Variants in FER1L6 observed in about 807,000 individuals in gnomAD.
FER1L6 encodes the protein fer-1 like family member 6, also known as fer-1-like protein 6.
Under a neutral mutation model 219.2 loss-of-function variants are expected in FER1L6, and 177 were observed. The ratio of observed to expected loss-of-function variants is 0.81; its 90% confidence interval spans 0.71 to 0.91. The LOEUF (loss-of-function observed/expected upper bound fraction) is 0.91. Ranked by LOEUF, FER1L6 falls within the 40% of genes least tolerant of loss-of-function variation. The pLI, the probability that FER1L6 is intolerant of heterozygous loss-of-function variation, is 0.00. For missense variants in FER1L6, 2,153 were observed against 2,259.9 expected (o/e 0.95, Z 0.96); for synonymous variants, 768 against 824.3 (o/e 0.93, Z 1.17).
intron 18 of FER1L6, among the ~76,000 whole-genome samples, chr8:124,034,444 T>C (rs1317728319): frequency 6.6e-6 from 1 of 152,132 alleles, no homozygotes; most frequent in Non-Finnish European, 1.5e-5. Flanking sequence ...TATACACACA[T>C]ATACATAAGT....
intron 1 of FER1L6, among the ~76,000 whole-genome samples, chr8:123,883,067 T>A (rs1215414614): frequency 6.6e-6 from 1 of 152,128 alleles, no homozygotes; most frequent in East Asian, 1.9e-4. Context: ...GATTAAAGAA[T>A]TCACCACCAC....
chr8:124,119,574 C>CT (rs777274125), intron 40 of FER1L6, 33 bp from the exon 41 acceptor site: 3 of 1,431,964 alleles, frequency 2.1e-6, no homozygotes, highest in Admixed American at 1.7e-5. Flanking sequence ...GACAGGATGC[C>CT]CCCTTTTTGA....
chr8:123,962,782 C>A (rs1026611167), intron 2 of FER1L6, among the ~76,000 whole-genome samples: 2 of 152,252 alleles, frequency 1.3e-5, no homozygotes, highest in African/African-American at 4.8e-5. Flanking sequence ...TGTCTGCCAC[C>A]ATGCCCGGCT....
Position 124,116,515 on chromosome 8 carries a change from G to A in FER1L6, c.5290-2329G>A, listed in dbSNP as rs570808340. Among the ~76,000 whole-genome samples, 5 of 152,286 alleles carry A rather than the reference G, an allele frequency of 3.3e-5. No homozygotes were observed. In the East Asian group the frequency reaches 7.7e-4, roughly 24 times the overall value. On this transcript the variant is annotated intron_variant, in intron 39 of 40. Transcript: ENST00000522917. ...AAAAAGGGCGTGCATGAAACACCAT[G>A]CAAGTTATAAAGTGCTATAGCCAAA...
chr8:124,089,653 A>T (rs577790798), intron 33 of FER1L6, among the ~76,000 whole-genome samples: 19 of 152,352 alleles, frequency 1.2e-4, no homozygotes, highest in Admixed American at 1.0e-3. Flanking sequence ...GCATAATTTT[A>T]AAAATATTTT....
At chr8:124,114,149 A>G (rs1823134418) in intron 39 of FER1L6, among the ~76,000 whole-genome samples, 1 of 151,906 alleles carries the variant, frequency 6.6e-6, no homozygotes, top group African/African-American at 2.4e-5. Context: ...TTTTTTCTCC[A>G]TTTATTGGTT....
chr8:124,027,544 T>A (rs1403927356), intron 18 of FER1L6, among the ~76,000 whole-genome samples: 1 of 152,194 alleles, frequency 6.6e-6, no homozygotes, highest in African/African-American at 2.4e-5. Context: ...CTCCGTGTTA[T>A]TTTCTGTCAT....
rs368100849 is a variant in FER1L6, at chr8:123,929,591, G to A, written c.-7-26401G>A. ...AGGCGGGTCTCCTCTTTCTGGGGCC[G>A]GTGGTCTTTCTGTTGCCCTCCAATT... On this transcript the variant is annotated intron_variant, in intron 1 of 40. Transcript: ENST00000522917. 4.3e-3 allele frequency among the ~76,000 whole-genome samples: 660 copies of A among 152,118 alleles called. 7 individuals carry two copies. Among genetic ancestry groups the A allele is most frequent in the Non-Finnish European group, 6.2e-3 (424 of 68,002 alleles).
intron 39 of FER1L6, among the ~76,000 whole-genome samples, chr8:124,108,172 C>A (rs2131011572): frequency 6.6e-6 from 1 of 152,162 alleles, no homozygotes; most frequent in East Asian, 1.9e-4. Context: ...CTACCCTGGG[C>A]AACACAGTGA....
rs1271692024 is a variant in FER1L6 at position 123,926,392 on chromosome 8, G to A, written c.-7-29600G>A. Among the ~76,000 whole-genome samples, 3 of 152,162 alleles carry A rather than the reference G, an allele frequency of 2.0e-5. No homozygotes were observed. In the East Asian group the frequency reaches 5.8e-4, roughly 29 times the overall value. On this transcript the variant is annotated intron_variant, in intron 1 of 40. Coordinates refer to ENST00000522917, the MANE Select transcript of FER1L6 (RefSeq NM_001039112.2). Reference sequence around the variant, plus strand: ...GTAGGTGGCCCATGCAGTTTCCCCAGGCCAGATTGTCTGGCTCCCGTGCAC... The same window carrying A: ...GTAGGTGGCCCATGCAGTTTCCCCAAGCCAGATTGTCTGGCTCCCGTGCAC...
At chr8:123,999,027 C>G (rs538835131) in intron 12 of FER1L6, among the ~76,000 whole-genome samples, 3 of 152,320 alleles carry the variant, frequency 2.0e-5, no homozygotes, top group African/African-American at 7.2e-5. Flanking sequence ...ATCAGGGGCC[C>G]TGAGAACCTG....
At chr8:123,994,804 G>A (rs566451897) in intron 12 of FER1L6, among the ~76,000 whole-genome samples, 1 of 152,326 alleles carries the variant, frequency 6.6e-6, no homozygotes, top group East Asian at 1.9e-4. Flanking sequence ...GAGTTAGCTG[G>A]CAGGCTTCTA....
At chr8:124,049,498 A>G in intron 21 of FER1L6, 109 bp from the exon 22 acceptor site, 1 of 1,249,274 alleles carries the variant, frequency 8.0e-7, no homozygotes, top group Non-Finnish European at 1.1e-6. Context: ...TGAGACATGG[A>G]AGCTGATGGT....
At chr8:124,074,240 A>G (rs1339936244) in intron 31 of FER1L6, among the ~76,000 whole-genome samples, 1 of 152,208 alleles carries the variant, frequency 6.6e-6, no homozygotes, top group Non-Finnish European at 1.5e-5. Context: ...TGCTAAATGC[A>G]AGAGTCATAG....
chr8:124,112,137 T>C (rs1823046597), intron 39 of FER1L6, among the ~76,000 whole-genome samples: 1 of 152,210 alleles, frequency 6.6e-6, no homozygotes, highest in Admixed American at 6.5e-5. Context: ...CCAACATGCA[T>C]GTCCAGCCTA....
In FER1L6 at chr8:124,097,279, G is replaced by A. The variant is rs1267186696; in HGVS notation, c.4704G>A (p.Leu1568=). 2 of 1,612,578 alleles carry A rather than the reference G, an allele frequency of 1.2e-6. No individual in the cohort carries two copies. The highest frequency in any genetic ancestry group is 1.7e-5 in the Admixed American group (1 of 59,910). ...KDKPGMEQGR[L]QMWVDMFPKD... Reference sequence around the variant, plus strand: ...TTTTTTTTCTTAACAAGGGCCGCCTGCAGATGTGGGTGGACATGTTTCCCA... The same window carrying A: ...TTTTTTTTCTTAACAAGGGCCGCCTACAGATGTGGGTGGACATGTTTCCCA... Residue 1568 remains leucine, a synonymous_variant, in exon 36 of 41, where the codon CTG becomes CTA. Transcript: ENST00000522917.
Position 124,049,670 on chromosome 8 carries a change from T to G in FER1L6, c.2788T>G (p.Tyr930Asp), listed in dbSNP as rs780828255. Reference protein sequence around the residue: ...APVVKLADQDYEPPRLCYHPI... With the variant: ...APVVKLADQDDEPPRLCYHPI... ...TGTTGTGAAGCTGGCTGACCAGGAC[T>G]ATGAGCCCCCCAGGTTATGCTATCA... is the stretch of plus-strand genomic sequence containing the variant. The change falls in exon 22 of 41, where the codon TAT (tyrosine) becomes GAT (aspartate). Residue 930 changes from tyrosine (Y) to aspartate (D), a missense_variant. Coordinates refer to ENST00000522917, the MANE Select transcript of FER1L6 (RefSeq NM_001039112.2). The G allele has an allele frequency of 2.0e-5, 32 of 1,613,966 alleles. 1 individual carries two copies. The Admixed American group carries it at 5.3e-4, about 27-fold the overall frequency.
intron 1 of FER1L6, among the ~76,000 whole-genome samples, chr8:123,856,848 C>G (rs752117274): frequency 3.9e-5 from 6 of 152,018 alleles, no homozygotes; most frequent in Middle Eastern, 3.4e-3. Flanking sequence ...AAAAAATGTC[C>G]CACTATTGCG....
chr8:124,061,300 G>T (rs1286371869), intron 24 of FER1L6, among the ~76,000 whole-genome samples: 1 of 152,008 alleles, frequency 6.6e-6, no homozygotes, highest in East Asian at 1.9e-4. Context: ...GAAACTAATT[G>T]CAAAGAAAAA....
Sources: gnomAD v4.1 joint callset for allele counts (sites outside exome capture counted in the v4.1 genomes callset) on GRCh38, gnomAD v4.1.1 for gene constraint, MANE v1.5 for transcripts, NCBI Gene and HGNC (gene_info 2026-07-23, HGNC 2026-07-21) for gene names.